Variants in PEX5L observed in about 807,000 individuals in gnomAD.
The protein encoded by PEX5L is peroxisomal biogenesis factor 5 like.
In PEX5L, 30 loss-of-function variants were observed where a neutral mutation model predicts 84.0. The observed-to-expected ratio is 0.36, with a 90% confidence interval of 0.27 to 0.48. The LOEUF (loss-of-function observed/expected upper bound fraction) is 0.48, where lower values mean the gene tolerates loss of function less well. PEX5L is among the 20% of genes least tolerant of loss of function. The pLI, the probability that PEX5L is intolerant of heterozygous loss-of-function variation, is 0.99. For synonymous variants in PEX5L, 270 were observed against 283.1 expected, an observed-to-expected ratio of 0.95 and a Z score of 0.46; for missense variants, 533 against 754.6, an observed-to-expected ratio of 0.71 and a Z score of 3.44.
chr3:179,904,940 C>G (rs74778009), intron 2 of PEX5L, among the ~76,000 whole-genome samples: 3,883 of 152,236 alleles, frequency 0.026, 172 homozygotes, highest in African/African-American at 0.089. Flanking sequence ...CATCATGGCT[C>G]TTCCTGCCCT....
At chr3:179,822,277 T>A (rs1423118472) in intron 8 of PEX5L, among the ~76,000 whole-genome samples, 4 of 152,216 alleles carry the variant, frequency 2.6e-5, no homozygotes, top group African/African-American at 9.6e-5. Flanking sequence ...GTCTTCTGCA[T>A]GAAAGAGAAG....
chr3:179,916,990 C>A (rs554821812), intron 2 of PEX5L, among the ~76,000 whole-genome samples: 4 of 139,358 alleles, frequency 2.9e-5, no homozygotes, highest in African/African-American at 1.0e-4. Context: ...CTTTTTGATC[C>A]TTTTGTAATA....
intron 14 of PEX5L, among the ~76,000 whole-genome samples, chr3:179,806,310 G>A (rs749879958): frequency 1.3e-5 from 2 of 152,140 alleles, no homozygotes; most frequent in Non-Finnish European, 2.9e-5. Context: ...GTGGCACAGA[G>A]TCAGCTCTGG....
chr3:179,995,157 T>C (rs949792763), intron 1 of PEX5L, among the ~76,000 whole-genome samples: 2 of 147,998 alleles, frequency 1.4e-5, no homozygotes, highest in African/African-American at 2.5e-5. Context: ...ATATACATAC[T>C]ATATATACTA....
chr3:179,840,723 C>A lies in PEX5L; in HGVS notation c.822+18339G>T, dbSNP rs58951658. ...TAGTTTGGAGGTCTTTCCAACAGAA[C>A]CTCCTGCTGCATTAGCTGGGAGCCT... On this transcript the variant is annotated intron_variant, in intron 8 of 14. Transcript: ENST00000467460. 6.7e-3 allele frequency among the ~76,000 whole-genome samples: 1,022 copies of A among 152,226 alleles called. 14 individuals are homozygous for A. Among genetic ancestry groups the A allele is most frequent in the African/African-American group, 0.023 (965 of 41,522 alleles).
Position 179,874,416 on chromosome 3 carries a change from C to T in PEX5L, c.637G>A (p.Glu213Lys). Residue 213 changes from glutamate (E) to lysine (K), a missense_variant, in exon 7 of 15, where the codon GAA becomes AAA. Physicochemically the swap from Glu to Lys is moderately conservative, Grantham distance 56. This residue lies in a region of PEX5L where 259 missense variants were observed against 301.7 expected (regional missense o/e 0.86). Coordinates refer to ENST00000467460, the MANE Select transcript of PEX5L (RefSeq NM_016559.3). ...CTCAGTTCTGGTTGAGATCTGTGTTCTGAGGACCTATAAGGGATGCATTAA... is the reference window on the plus strand; with the variant it reads ...CTCAGTTCTGGTTGAGATCTGTGTTTTGAGGACCTATAAGGGATGCATTAA... ...TGSKELLWSS[E>K]HRSQPELSGG... 1.3e-6 allele frequency: 2 copies of T among 1,596,192 alleles called. No homozygotes were observed. The highest frequency in any genetic ancestry group is 2.2e-5 in the South Asian group (2 of 90,418).
In PEX5L at chr3:179,912,118, C is replaced by G. The variant is rs1023327448; in HGVS notation, c.94-13872G>C. Among the ~76,000 whole-genome samples the G allele has an allele frequency of 2.0e-5, 3 of 152,100 alleles. 1 individual carries two copies. In the South Asian group the frequency reaches 6.2e-4, roughly 31 times the overall value. The stretch of plus-strand genomic sequence containing the variant: ...CTTTACTGGGCATGAAACATGATTG[C>G]CTGTATCTCTCTATCTCCTATACTG... On this transcript the variant is annotated intron_variant, in intron 2 of 14. Coordinates refer to ENST00000467460, the MANE Select transcript of PEX5L (RefSeq NM_016559.3).
rs1447163988 is a variant in PEX5L at position 179,795,731 on chromosome 3, G to A, written c.*6097C>T. ...AAACATTTATGAGCATGAGGAGGAA[G>A]CATCACAGAAGAATTGTCTCAAAAC... On this transcript the variant is annotated 3_prime_UTR_variant, in exon 15 of 15. Coordinates refer to ENST00000467460, the MANE Select transcript of PEX5L (RefSeq NM_016559.3). 1 of 152,164 alleles carries A rather than the reference G, an allele frequency of 6.6e-6. No individual in the cohort carries two copies. Among genetic ancestry groups the A allele is most frequent in the African/African-American group, 2.4e-5 (1 of 41,438 alleles). The allele number at this position is 152,164 out of a possible 1,614,324, so 9.4% of individuals were successfully genotyped here. A position where few individuals can be genotyped will look rare whatever the true frequency, so the allele number is the denominator to read the frequency against.
intron 3 of PEX5L, among the ~76,000 whole-genome samples, chr3:179,892,271 A>G (rs1757839559): frequency 6.6e-6 from 1 of 152,230 alleles, no homozygotes; most frequent in East Asian, 1.9e-4. Flanking sequence ...ACCTTCTATA[A>G]TGGTGACAGA....
At chr3:179,881,887 C>A (rs956374144) in intron 4 of PEX5L, among the ~76,000 whole-genome samples, 1 of 152,124 alleles carries the variant, frequency 6.6e-6, no homozygotes, top group Admixed American at 6.5e-5. Context: ...CCCTGAGATA[C>A]GAGGGATGTT....
intron 1 of PEX5L, among the ~76,000 whole-genome samples, chr3:180,025,487 T>A (rs1237929960): frequency 6.6e-6 from 1 of 152,200 alleles, no homozygotes; most frequent in East Asian, 1.9e-4. Flanking sequence ...TATATGTTAA[T>A]TATGGTATTG....
intron 2 of PEX5L, among the ~76,000 whole-genome samples, chr3:179,917,980 C>A (rs1347429948): frequency 6.6e-6 from 1 of 152,242 alleles, no homozygotes; most frequent in Admixed American, 6.5e-5. Flanking sequence ...TTATGTGGAG[C>A]ATGACTGGAC....
intron 2 of PEX5L, among the ~76,000 whole-genome samples, chr3:179,942,851 T>G (rs1445273524): frequency 6.6e-6 from 1 of 152,198 alleles, no homozygotes; most frequent in Non-Finnish European, 1.5e-5. Flanking sequence ...TTTGTCCTCT[T>G]AGGTTACATA....
intron 1 of PEX5L, among the ~76,000 whole-genome samples, chr3:180,032,280 A>G (rs992022734): frequency 6.6e-6 from 1 of 152,190 alleles, no homozygotes; most frequent in African/African-American, 2.4e-5. Context: ...ATCATTACCT[A>G]TAAGATGACA....
At chr3:180,013,651 T>G (rs950455485) in intron 1 of PEX5L, among the ~76,000 whole-genome samples, 30 of 152,260 alleles carry the variant, frequency 2.0e-4, no homozygotes, top group Non-Finnish European at 1.5e-5. Context: ...GTGATATGCT[T>G]AGTAGAACGC....
intron 2 of PEX5L, among the ~76,000 whole-genome samples, chr3:179,899,163 T>A (rs940260517): frequency 6.6e-6 from 1 of 152,124 alleles, no homozygotes; most frequent in Non-Finnish European, 1.5e-5. Flanking sequence ...ATTATTACAT[T>A]TTTTGAGACT....
At chr3:179,820,866 T>G (rs1728255726) in intron 8 of PEX5L, among the ~76,000 whole-genome samples, 1 of 152,150 alleles carries the variant, frequency 6.6e-6, no homozygotes, top group Non-Finnish European at 1.5e-5. Context: ...AGAGACAGAA[T>G]TTTCCAGGGG....
chr3:179,852,529 A>C (rs1019468272), intron 8 of PEX5L, among the ~76,000 whole-genome samples: 17 of 152,216 alleles, frequency 1.1e-4, no homozygotes, highest in African/African-American at 3.9e-4. Flanking sequence ...AACTATCACA[A>C]GTAAGGTTTC....
In PEX5L at chr3:179,799,945, T is replaced by C. The variant is rs1263927847; in HGVS notation, c.*1883A>G. 13 of 152,246 alleles carry C rather than the reference T, an allele frequency of 8.5e-5. No individual in the cohort carries two copies. The highest frequency in any genetic ancestry group is 6.5e-4 in the Admixed American group (10 of 15,280). The allele number at this position is 152,246 out of a possible 1,614,324, so 9.4% of individuals were successfully genotyped here. A position where few individuals can be genotyped will look rare whatever the true frequency, so the allele number is the denominator to read the frequency against. ...GTGCCTGAATGCCTCTGCCTTCTGC[T>C]GACCAGCTGGAGCTACCACCTGGCC... On this transcript the variant is annotated 3_prime_UTR_variant, in exon 15 of 15. Coordinates refer to ENST00000467460, the MANE Select transcript of PEX5L (RefSeq NM_016559.3).
Sources: allele counts gnomAD v4.1 joint callset (sites outside exome capture counted in the v4.1 genomes callset), GRCh38; gene constraint gnomAD v4.1.1; regional missense constraint gnomAD v4.1.1; transcripts MANE v1.5; gene names NCBI Gene and HGNC (gene_info 2026-07-23, HGNC 2026-07-21).